Variants in ACKR2 observed in about 807,000 individuals in gnomAD.
ACKR2 encodes the protein C-C chemokine receptor D6.
For missense variants in ACKR2, 457 were observed against 477.3 expected, an observed-to-expected ratio of 0.96 and a Z score of 0.40; for synonymous variants, 207 against 192.2, an observed-to-expected ratio of 1.08 and a Z score of -0.64.
chr3:42,865,483 G>C lies in ACKR2; in HGVS notation c.981G>C (p.Leu327=). ...HRFRQYLKAF[L]AAVLGWHLAP... ...TCCGCCAGTACCTGAAGGCTTTCCTGGCTGCCGTGCTTGGATGGCACCTGG... is the reference window on the plus strand; with the variant it reads ...TCCGCCAGTACCTGAAGGCTTTCCTCGCTGCCGTGCTTGGATGGCACCTGG... The change falls in exon 3 of 3, where the codon CTG becomes CTC. Residue 327 remains leucine (L), a synonymous_variant. Coordinates refer to ENST00000422265, the MANE Select transcript of ACKR2 (RefSeq NM_001296.5). 1 of 1,614,108 alleles carries C rather than the reference G, an allele frequency of 6.2e-7. No homozygotes were observed. Among genetic ancestry groups the C allele is most frequent in the Non-Finnish European group, 8.5e-7 (1 of 1,180,022 alleles).
chr3:42,824,758 G>A (rs1326395041), intron 2 of ACKR2, among the ~76,000 whole-genome samples: 1 of 152,118 alleles, frequency 6.6e-6, no homozygotes, highest in Non-Finnish European at 1.5e-5. Flanking sequence ...AGACATTTGG[G>A]TTGTTTCCAA....
chr3:42,830,757 G>A (rs549631977), intron 2 of ACKR2, among the ~76,000 whole-genome samples: 7 of 151,734 alleles, frequency 4.6e-5, no homozygotes, highest in Non-Finnish European at 1.5e-5. Context: ...ATCTGCTGGG[G>A]TGTTGGTTGG....
chr3:42,848,213 A>T (rs2162663), intron 2 of ACKR2, among the ~76,000 whole-genome samples: 6,106 of 75,338 alleles, frequency 0.081, 313 homozygotes, highest in Non-Finnish European at 0.12. Flanking sequence ...AAAAAAAAAA[A>T]TTTTTTTTTT....
At chr3:42,851,471 C>A in intron 2 of ACKR2, 1 of 981,764 alleles carries the variant, frequency 1.0e-6, no homozygotes, top group Non-Finnish European at 1.2e-6. Context: ...TATAGCCATA[C>A]TCGGGGTGTG....
intron 2 of ACKR2, among the ~76,000 whole-genome samples, chr3:42,843,567 A>G (rs1326419463): frequency 6.6e-6 from 1 of 152,148 alleles, no homozygotes; most frequent in Non-Finnish European, 1.5e-5. Flanking sequence ...CTGGATTCTC[A>G]TCCAAATTCT....
At chr3:42,841,892 A>G (rs1486739950) in intron 2 of ACKR2, 1 of 152,158 alleles carries the variant, frequency 6.6e-6, no homozygotes, top group Non-Finnish European at 1.5e-5. Flanking sequence ...GGCCAGGAAC[A>G]CCTAGTAGTT....
chr3:42,827,506 C>T (rs1453711425), intron 2 of ACKR2, among the ~76,000 whole-genome samples: 1 of 152,130 alleles, frequency 6.6e-6, no homozygotes, highest in Non-Finnish European at 1.5e-5. Flanking sequence ...AACTTTAAAG[C>T]ATGTCATCGA....
At chr3:42,854,235 G>A (rs559094897) in intron 2 of ACKR2, among the ~76,000 whole-genome samples, 2 of 152,322 alleles carry the variant, frequency 1.3e-5, no homozygotes, top group East Asian at 3.9e-4. Context: ...GGATGGCAGA[G>A]GAGAGGAAAG....
In ACKR2 at chr3:42,865,155, G is replaced by C. The variant is rs147684121; in HGVS notation, c.653G>C (p.Gly218Ala). Residue 218 changes from glycine (G) to alanine (A), a missense_variant, in exon 3 of 3, where the codon GGG (glycine) becomes GCG (alanine). By Grantham distance (60) the Gly-to-Ala change is moderately conservative (BLOSUM62 0). Coordinates refer to ENST00000422265, the MANE Select transcript of ACKR2 (RefSeq NM_001296.5). ...CTCCGCTTCCAGCAGAACCTCCTAG[G>C]GTTTCTCCTTCCACTCCTTGCCATG... is the stretch of plus-strand genomic sequence containing the variant. ...LFLRFQQNLL[G>A]FLLPLLAMIF... 2.8e-3 allele frequency: 4,552 copies of C among 1,614,046 alleles called. 38 individuals carry two copies. The highest frequency in any genetic ancestry group is 4.0e-3 in the Admixed American group (242 of 59,992).
intron 2 of ACKR2, among the ~76,000 whole-genome samples, chr3:42,836,801 G>C (rs1700991218): frequency 1.3e-5 from 2 of 152,222 alleles, no homozygotes; most frequent in African/African-American, 2.4e-5. Flanking sequence ...GGAGATGCCA[G>C]ATAAATAACC....
chr3:42,856,697 G>C (rs1380881681), intron 2 of ACKR2, among the ~76,000 whole-genome samples: 1 of 151,982 alleles, frequency 6.6e-6, no homozygotes, highest in South Asian at 2.1e-4. Context: ...GAAGTACGGG[G>C]TAGAGCTGAT....
chr3:42,830,516 A>T (rs910352540), intron 2 of ACKR2, among the ~76,000 whole-genome samples: 18 of 151,920 alleles, frequency 1.2e-4, no homozygotes, highest in Non-Finnish European at 2.5e-4. Context: ...CCTCCCCCAA[A>T]TTTGGCATAT....
chr3:42,829,342 A>C (rs1054833692), intron 2 of ACKR2, among the ~76,000 whole-genome samples: 1 of 152,204 alleles, frequency 6.6e-6, no homozygotes, highest in Admixed American at 6.5e-5. Context: ...TGTTCCAGGC[A>C]ATAGCCCCTA....
intron 2 of ACKR2, among the ~76,000 whole-genome samples, chr3:42,854,617 A>C (rs2088291583): frequency 6.6e-6 from 1 of 152,186 alleles, no homozygotes; most frequent in African/African-American, 2.4e-5. Flanking sequence ...TTATCTGGAA[A>C]GTGGGGATTA....
intron 1 of ACKR2, among the ~76,000 whole-genome samples, chr3:42,813,600 CA>C (rs1700716486): frequency 6.6e-6 from 1 of 152,142 alleles, no homozygotes; most frequent in South Asian, 2.1e-4. Flanking sequence ...GGAGAAAGTC[CA>C]CCCCCGTGAT....
chr3:42,826,330 G>A (rs560403512), intron 2 of ACKR2, among the ~76,000 whole-genome samples: 5 of 152,118 alleles, frequency 3.3e-5, no homozygotes, highest in East Asian at 1.9e-4. Flanking sequence ...GAGAGGATTA[G>A]TGGTAATTCT....
chr3:42,828,476 CT>C (rs1423700307), intron 2 of ACKR2, among the ~76,000 whole-genome samples: 2 of 152,166 alleles, frequency 1.3e-5, no homozygotes, highest in Non-Finnish European at 2.9e-5. Flanking sequence ...AAGGTCACTT[CT>C]TTCTTCTCCC....
chr3:42,851,105 G>C (rs1408346394), intron 2 of ACKR2: 1 of 152,504 alleles, frequency 6.6e-6, no homozygotes, highest in Admixed American at 6.5e-5. Flanking sequence ...GGCTGTTAGT[G>C]TACTTGACCC....
chr3:42,822,490 T>C (rs982802885), intron 2 of ACKR2, among the ~76,000 whole-genome samples: 3 of 152,180 alleles, frequency 2.0e-5, no homozygotes, highest in African/African-American at 4.8e-5. Context: ...TTTTGCTTTG[T>C]ATTCTGTGTA....
Sources: gnomAD v4.1 joint callset for allele counts (sites outside exome capture counted in the v4.1 genomes callset) on GRCh38, gnomAD v4.1.1 for gene constraint, MANE v1.5 for transcripts, NCBI Gene and HGNC (gene_info 2026-07-23, HGNC 2026-07-21) for gene names.